Variants in APPL2 observed in about 807,000 individuals in gnomAD.
The protein encoded by APPL2 is DCC-interacting protein 13-beta.
A neutral mutation model predicts 92.7 loss-of-function variants in APPL2; 84 were observed. The ratio of observed to expected loss-of-function variants is 0.91; its 90% CI spans 0.76 to 1.09. The LOEUF is 1.09. Ranked by LOEUF, APPL2 falls within the 50% of genes least tolerant of loss-of-function variation. APPL2 has a pLI of 0.00. For synonymous variants in APPL2, 291 were observed against 291.0 expected, an observed-to-expected ratio of 1.00 and a Z score of 0.00; for missense variants, 736 against 824.5, an observed-to-expected ratio of 0.89 and a Z score of 1.31.
chr12:105,190,373 C>G (rs1436678492), intron 14 of APPL2, among the ~76,000 whole-genome samples: 4 of 152,212 alleles, frequency 2.6e-5, no homozygotes, highest in Non-Finnish European at 5.9e-5. Flanking sequence ...CTCTGCTGCA[C>G]AGCATCCTGC....
At position 105,174,336 on chromosome 12, in the gene APPL2, C is replaced by CT; in HGVS notation, c.1972dup (p.Arg658LysfsTer37). 1 of 1,613,932 alleles carries CT rather than the reference C, an allele frequency of 6.2e-7. No homozygotes were observed. The highest frequency in any genetic ancestry group is 1.1e-5 in the South Asian group (1 of 91,032). On this transcript the variant is annotated frameshift_variant, in exon 21 of 21. Coordinates refer to ENST00000258530, the MANE Select transcript of APPL2 (RefSeq NM_018171.5). LOFTEE classifies it high-confidence loss of function. ...GAGTTATGCTTCGGATTCTGCGCCT[C>CT]TATGTTCGTTTGGATTTCCATCATC...
chr12:105,188,530 T>C, intron 16 of APPL2, 83 bp from the exon 17 acceptor site: 1 of 1,475,634 alleles, frequency 6.8e-7, no homozygotes, highest in South Asian at 1.3e-5. Flanking sequence ...TGTGCTAGTT[T>C]TGCCTGCTTT....
At chr12:105,231,761 C>T (rs1890935143) in intron 1 of APPL2, among the ~76,000 whole-genome samples, 1 of 152,246 alleles carries the variant, frequency 6.6e-6, no homozygotes, top group Non-Finnish European at 1.5e-5. Flanking sequence ...GGAAATGCAA[C>T]TGTGATGCCC....
At chr12:105,180,919 C>A (rs779356201) in intron 17 of APPL2, among the ~76,000 whole-genome samples, 47 of 152,164 alleles carry the variant, frequency 3.1e-4, no homozygotes, top group Non-Finnish European at 5.3e-4. Context: ...CAGAGATAAT[C>A]TGACTTCCTC....
chr12:105,199,570 G>A, intron 9 of APPL2, 39 bp from the exon 10 acceptor site: 1 of 1,596,568 alleles, frequency 6.3e-7, no homozygotes. Flanking sequence ...CTCACTGCTG[G>A]CCAACCCAGC....
chr12:105,202,882 T>C (rs1888334212), intron 9 of APPL2, among the ~76,000 whole-genome samples: 1 of 152,232 alleles, frequency 6.6e-6, no homozygotes, highest in Non-Finnish European at 1.5e-5. Flanking sequence ...CCTAGATCAA[T>C]TCCCTTGTTT....
chr12:105,175,098 GGT>G (rs957622511), intron 20 of APPL2, among the ~76,000 whole-genome samples: 15 of 152,176 alleles, frequency 9.9e-5, no homozygotes. Context: ...TGGCCAGGCT[GGT>G]CTTGAACTCC....
chr12:105,223,188 A>G (rs1890240737), intron 2 of APPL2, among the ~76,000 whole-genome samples: 1 of 152,206 alleles, frequency 6.6e-6, no homozygotes, highest in Non-Finnish European at 1.5e-5. Context: ...AGGAAGAATG[A>G]AAAGGGGAAG....
chr12:105,191,530 A>C (rs1887194977), intron 14 of APPL2, among the ~76,000 whole-genome samples: 1 of 152,056 alleles, frequency 6.6e-6, no homozygotes, highest in South Asian at 2.1e-4. Flanking sequence ...CAAAGGGGGG[A>C]GATAGATAAC....
chr12:105,218,524 C>A (rs1889868600), intron 2 of APPL2, among the ~76,000 whole-genome samples: 1 of 152,200 alleles, frequency 6.6e-6, no homozygotes, highest in African/African-American at 2.4e-5. Flanking sequence ...AACTAGGAGT[C>A]AGCCATGGGG....
In APPL2 at chr12:105,176,677, G is replaced by C. The variant is rs1885573275; in HGVS notation, c.1812+199C>G. The C allele has an allele frequency of 4.5e-5, 28 of 616,756 alleles. No homozygotes were observed. In the South Asian group the frequency reaches 6.5e-4, roughly 14 times the overall value. 38.2% of individuals were successfully genotyped at this position (616,756 alleles called of 1,614,324 possible). A position where few individuals can be genotyped will look rare whatever the true frequency, so the allele number is the denominator to read the frequency against. On this transcript the variant is annotated intron_variant, in intron 19 of 20. Transcript: ENST00000258530. Reference sequence around the variant, plus strand: ...ATTTCTTCCTCATTCACCCTATTCTGGTTGATAGGTATTTTCCACAGAGAA... The same window carrying C: ...ATTTCTTCCTCATTCACCCTATTCTCGTTGATAGGTATTTTCCACAGAGAA...
intron 11 of APPL2, among the ~76,000 whole-genome samples, chr12:105,196,079 G>GAA (rs1266322830): frequency 1.0e-4 from 15 of 150,624 alleles, no homozygotes; most frequent in African/African-American, 3.2e-4. Flanking sequence ...AAAAGAAAAA[G>GAA]AAAAAAGAAA....
intron 8 of APPL2, chr12:105,206,803 C>A: frequency 2.8e-6 from 1 of 359,794 alleles, no homozygotes; most frequent in Non-Finnish European, 5.0e-6. Flanking sequence ...AAGGGCCACA[C>A]AGGCTCTTCC....
chr12:105,212,022 G>C (rs1889264578), intron 4 of APPL2, among the ~76,000 whole-genome samples: 1 of 149,396 alleles, frequency 6.7e-6, no homozygotes. Context: ...GGGAGGCTGA[G>C]GCAGGAGAAT....
At position 105,197,805 on chromosome 12, in the gene APPL2, G is replaced by A. The variant is rs762120224; in HGVS notation, c.1012C>T (p.Arg338Trp). Residue 338 changes from arginine (R) to tryptophan (W), a missense_variant, in exon 11 of 21, where the codon CGG (arginine) becomes TGG (tryptophan). Coordinates refer to ENST00000258530, the MANE Select transcript of APPL2 (RefSeq NM_018171.5). ...CSVMAVDCEDRRYCFQITTPN... is the reference protein window; with the variant it reads ...CSVMAVDCEDWRYCFQITTPN... Reference sequence around the variant, plus strand: ...GTGGTGATCTGGAAGCAGTAGCGCCGGTCTTCGCAATCCACGGCCATCACT... The same window carrying A: ...GTGGTGATCTGGAAGCAGTAGCGCCAGTCTTCGCAATCCACGGCCATCACT... 10 of 1,614,028 alleles carry A rather than the reference G, an allele frequency of 6.2e-6. No individual in the cohort carries two copies. The highest frequency in any genetic ancestry group is 3.3e-5 in the Admixed American group (2 of 60,000).
At chr12:105,216,714 C>A (rs982483612) in intron 4 of APPL2, among the ~76,000 whole-genome samples, 8 of 152,234 alleles carry the variant, frequency 5.3e-5, no homozygotes, top group Non-Finnish European at 8.8e-5. Context: ...CTTCAGCCTT[C>A]TGGCCTACAG....
At chr12:105,216,970 T>C (rs1889742829) in intron 4 of APPL2, 99 bp downstream of exon 4, 1 of 789,456 alleles carries the variant, frequency 1.3e-6, no homozygotes, top group Non-Finnish European at 2.0e-6. Context: ...CCTTCTCAGA[T>C]ATTTAAGTAG....
intron 17 of APPL2, among the ~76,000 whole-genome samples, chr12:105,181,544 C>T (rs1007269940): frequency 4.6e-5 from 7 of 152,142 alleles, no homozygotes; most frequent in African/African-American, 1.7e-4. Context: ...GGTACCAGCT[C>T]CTCTTTGTAA....
At chr12:105,204,150 A>T (rs1254514421) in intron 8 of APPL2, among the ~76,000 whole-genome samples, 2 of 152,226 alleles carry the variant, frequency 1.3e-5, no homozygotes, top group African/African-American at 4.8e-5. Context: ...GAGCAGCTCC[A>T]GTTTGCATTC....
Sources: gnomAD v4.1 joint callset for allele counts (sites outside exome capture counted in the v4.1 genomes callset) on GRCh38, gnomAD v4.1.1 for gene constraint, MANE v1.5 for transcripts, NCBI Gene and HGNC (gene_info 2026-07-23, HGNC 2026-07-21) for gene names.